Variants in TDRD3 observed in about 807,000 individuals in gnomAD.
TDRD3 encodes tudor domain containing 3.
A neutral mutation model predicts 86.7 loss-of-function variants in TDRD3; 45 were observed. The ratio of observed to expected loss-of-function variants is 0.52; its 90% CI spans 0.41 to 0.67. The LOEUF is 0.67. Among genes scored for constraint, TDRD3 ranks in the 30% least tolerant of loss-of-function variants. TDRD3 has a pLI of 0.00. For synonymous variants in TDRD3, 298 were observed against 301.7 expected (o/e 0.99, Z 0.13); for missense variants, 814 against 889.0 (o/e 0.92, Z 1.07).
intron 5 of TDRD3, among the ~76,000 whole-genome samples, chr13:60,470,030 C>T (rs546004806): frequency 6.6e-6 from 1 of 152,340 alleles, no homozygotes; most frequent in Non-Finnish European, 1.5e-5. Flanking sequence ...ACCCATTAAA[C>T]AGTAACTCTG....
rs140843060 is a variant in TDRD3, at chr13:60,457,562, T to C, written c.193-2818T>C. 3.4e-3 allele frequency among the ~76,000 whole-genome samples: 514 copies of C among 152,314 alleles called. 4 individuals carry two copies. The highest frequency in any genetic ancestry group is 0.012 in the African/African-American group (490 of 41,570). On this transcript the variant is annotated intron_variant, in intron 3 of 13. Coordinates refer to ENST00000377881, the MANE Select transcript of TDRD3 (RefSeq NM_001146070.2). ...GAGTGAGGCTGAGGCCAATATACAG[T>C]ATTTTCTTCGCAATCAGGTAACTCA...
chr13:60,455,410 C>T (rs927926488), intron 3 of TDRD3, among the ~76,000 whole-genome samples: 4 of 151,958 alleles, frequency 2.6e-5, no homozygotes, highest in Non-Finnish European at 5.9e-5. Flanking sequence ...GGGCAATGGG[C>T]CTTAAGGTAA....
chr13:60,475,298 G>A (rs1189021656), intron 5 of TDRD3, among the ~76,000 whole-genome samples: 1 of 152,004 alleles, frequency 6.6e-6, no homozygotes, highest in Non-Finnish European at 1.5e-5. Flanking sequence ...GTGTCCATGT[G>A]TACTCAGTGT....
intron 3 of TDRD3, among the ~76,000 whole-genome samples, chr13:60,460,099 CTG>C (rs1955772862): frequency 6.6e-6 from 1 of 151,808 alleles, no homozygotes; most frequent in African/African-American, 2.4e-5. Flanking sequence ...AGAAATATAA[CTG>C]TTTTCCTAGG....
intron 10 of TDRD3, among the ~76,000 whole-genome samples, chr13:60,521,654 G>C (rs1595062614): frequency 6.6e-6 from 1 of 152,270 alleles, no homozygotes; most frequent in East Asian, 1.9e-4. Flanking sequence ...CCAGCACTTT[G>C]GGAGGCTGAG....
At chr13:60,406,079 T>C (rs1309775260) in intron 1 of TDRD3, among the ~76,000 whole-genome samples, 1 of 152,148 alleles carries the variant, frequency 6.6e-6, no homozygotes, top group African/African-American at 2.4e-5. Context: ...ATGAGTTAAG[T>C]TGGTCATTAC....
chr13:60,543,089 G>T (rs1440675493), intron 12 of TDRD3, among the ~76,000 whole-genome samples: 1 of 152,122 alleles, frequency 6.6e-6, no homozygotes, highest in Non-Finnish European at 1.5e-5. Context: ...AACTCTTTTA[G>T]TAGCCTGTCA....
intron 13 of TDRD3, among the ~76,000 whole-genome samples, chr13:60,569,657 C>T (rs1411202794): frequency 6.6e-6 from 1 of 152,126 alleles, no homozygotes; most frequent in Non-Finnish European, 1.5e-5. Flanking sequence ...AGGCATCAGA[C>T]TACCTAATTT....
intron 10 of TDRD3, among the ~76,000 whole-genome samples, chr13:60,520,867 A>G (rs931406057): frequency 1.3e-5 from 2 of 152,236 alleles, no homozygotes; most frequent in African/African-American, 4.8e-5. Flanking sequence ...TAGTCAGTCT[A>G]ATTCCAAACG....
At chr13:60,502,860 G>T (rs1171842023) in intron 8 of TDRD3, among the ~76,000 whole-genome samples, 4 of 152,146 alleles carry the variant, frequency 2.6e-5, no homozygotes, top group Admixed American at 6.5e-5. Flanking sequence ...AAAATAACCG[G>T]TTTTTCTAAT....
In TDRD3 at chr13:60,467,238, C is replaced by A; in HGVS notation, c.354C>A (p.Ser118Arg). The A allele has an allele frequency of 6.2e-7, 1 of 1,613,478 alleles. No homozygotes were observed. Residue 118 changes from serine to arginine, a missense_variant and splice_region_variant, in exon 5 of 14, where the codon AGC (serine) becomes AGA (arginine). By Grantham distance (110) the Ser-to-Arg change is moderately radical. Transcript: ENST00000377881. ...AVEFSYMSKI[S>R]LNTPPGTKVK... ...TTTAACACTTTTCTCTTTGCTTTAG[C>A]CTGAACACACCACCTGGAACTAAAG... is the stretch of plus-strand genomic sequence containing the variant.
intron 5 of TDRD3, among the ~76,000 whole-genome samples, chr13:60,470,590 G>T (rs1651090132): frequency 1.1e-5 from 1 of 93,512 alleles, no homozygotes; most frequent in Non-Finnish European, 2.3e-5. Flanking sequence ...TTATAGTTGG[G>T]TTTTTTTTTT....
At chr13:60,465,152 A>G (rs1203395453) in intron 4 of TDRD3, among the ~76,000 whole-genome samples, 2 of 152,204 alleles carry the variant, frequency 1.3e-5, no homozygotes, top group African/African-American at 2.4e-5. Flanking sequence ...CAGACTATCA[A>G]TTGTTTCAGT....
chr13:60,463,362 C>CAAAAAA (rs57195209), intron 4 of TDRD3, among the ~76,000 whole-genome samples: 7 of 81,464 alleles, frequency 8.6e-5, no homozygotes, highest in East Asian at 7.3e-4. Flanking sequence ...AATTCTGGCT[C>CAAAAAA]AAAAAAAAAA....
intron 1 of TDRD3, among the ~76,000 whole-genome samples, chr13:60,434,644 G>A (rs1312104902): frequency 6.6e-6 from 1 of 151,900 alleles, no homozygotes; most frequent in Non-Finnish European, 1.5e-5. Flanking sequence ...GTTTAGATTA[G>A]TAATAAGTGG....
At chr13:60,529,669 A>C (rs1227981973) in intron 11 of TDRD3, among the ~76,000 whole-genome samples, 1 of 151,984 alleles carries the variant, frequency 6.6e-6, no homozygotes. Flanking sequence ...TTAACATATA[A>C]GTTAATTATT....
chr13:60,447,782 C>A (rs1197636493), intron 3 of TDRD3, among the ~76,000 whole-genome samples: 1 of 152,038 alleles, frequency 6.6e-6, no homozygotes, highest in South Asian at 2.1e-4. Flanking sequence ...GAGAGAAAGC[C>A]AAAGGAGAGT....
intron 2 of TDRD3, 118 bp from the exon 3 acceptor site, chr13:60,444,565 C>T: frequency 5.5e-6 from 3 of 542,472 alleles, no homozygotes; most frequent in South Asian, 3.0e-5. Context: ...ATCTCATGAC[C>T]AGTTAAACTG....
rs1955968404 is a variant in TDRD3, at chr13:60,467,330, T to C, written c.446T>C (p.Val149Ala). 6.2e-7 allele frequency: 1 copy of C among 1,613,808 alleles called. No homozygotes were observed. The highest frequency in any genetic ancestry group is 1.3e-5 in the African/African-American group (1 of 74,906). ...FLLLNDSNTT[V>A]LGGEVEHLIE... ...CTCTTGAATGACTCTAACACCACAG[T>C]TCTTGGTGGTGAAGTGGAACACCTT... The change falls in exon 5 of 14, where the codon GTT becomes GCT. Residue 149 changes from valine (V) to alanine (A), a missense_variant. Coordinates refer to ENST00000377881, the MANE Select transcript of TDRD3 (RefSeq NM_001146070.2).
Sources: gnomAD v4.1 joint callset for allele counts (sites outside exome capture counted in the v4.1 genomes callset) on GRCh38, gnomAD v4.1.1 for gene constraint, MANE v1.5 for transcripts, NCBI Gene and HGNC (gene_info 2026-07-23, HGNC 2026-07-21) for gene names.